Variants in CLUAP1 observed in about 807,000 individuals in gnomAD.
CLUAP1 encodes the protein intraflagellar transport 38.
In CLUAP1, 50 loss-of-function variants were observed where a neutral mutation model predicts 55.0. The observed-to-expected ratio is 0.91, with a 90% confidence interval of 0.72 to 1.15. The LOEUF (loss-of-function observed/expected upper bound fraction) is 1.15, where lower values mean the gene tolerates loss of function less well. Among genes scored for constraint, CLUAP1 ranks in the 50% most tolerant of loss-of-function variants. CLUAP1 has a pLI of 0.00. For synonymous variants in CLUAP1, 195 were observed against 175.4 expected (o/e 1.11, Z -0.88); for missense variants, 530 against 507.6 (o/e 1.04, Z -0.42).
chr16:3,507,932 G>A (rs978812978), intron 3 of CLUAP1, among the ~76,000 whole-genome samples: 1 of 152,194 alleles, frequency 6.6e-6, no homozygotes, highest in East Asian at 1.9e-4. Context: ...ATTTATATAG[G>A]TAGGCTTTTA....
chr16:3,500,514 T>G (rs1596379019), upstream of CLUAP1, among the ~76,000 whole-genome samples: 2 of 151,854 alleles, frequency 1.3e-5, no homozygotes, highest in Non-Finnish European at 2.9e-5. Flanking sequence ...GGATTACAGG[T>G]GTGCGCCACC....
chr16:3,508,154 C>G (rs887147834), intron 3 of CLUAP1, 135 bp from the exon 4 acceptor site: 6 of 698,112 alleles, frequency 8.6e-6, no homozygotes, highest in Non-Finnish European at 7.0e-6. Context: ...ATGTTTGAGT[C>G]ACTTGAATGC....
At chr16:3,508,573 T>G in intron 4 of CLUAP1, 105 bp downstream of exon 4, 1 of 1,046,694 alleles carries the variant, frequency 9.6e-7, no homozygotes, top group Non-Finnish European at 1.3e-6. Context: ...CCTCCTCAGC[T>G]GAGGGCAGTT....
At chr16:3,499,280 G>A (rs1415184911), upstream of CLUAP1, among the ~76,000 whole-genome samples, 3 of 152,254 alleles carry the variant, frequency 2.0e-5, no homozygotes, top group Admixed American at 1.3e-4. Flanking sequence ...TGGAGGCGGA[G>A]GTTTCAGTGA....
intron 1 of CLUAP1, among the ~76,000 whole-genome samples, chr16:3,504,386 A>C (rs530166273): frequency 6.6e-6 from 1 of 152,212 alleles, no homozygotes; most frequent in Non-Finnish European, 1.5e-5. Flanking sequence ...CTTTTTCTTC[A>C]TGACATTTTA....
rs2037932991 is a variant in CLUAP1, at chr16:3,525,942, C to G, written c.856-470C>G. On this transcript the variant is annotated intron_variant, in intron 8 of 11. Transcript: ENST00000576634. ...ATTTCCTCCTGTCCCCACCCCTGTT[C>G]CCATCCTTACCTGTCCCACCATTTA... Among the ~76,000 whole-genome samples, 2 of 152,136 alleles carry G rather than the reference C, an allele frequency of 1.3e-5. 1 individual carries two copies. Among genetic ancestry groups the G allele is most frequent in the Admixed American group, 1.3e-4 (2 of 15,260 alleles).
chr16:3,522,080 A>T (rs2037849301), intron 7 of CLUAP1, among the ~76,000 whole-genome samples: 1 of 152,108 alleles, frequency 6.6e-6, no homozygotes, highest in Admixed American at 6.5e-5. Flanking sequence ...AAAAACCACC[A>T]GCCTTAATTC....
At chr16:3,525,421 C>A (rs569461983) in intron 8 of CLUAP1, among the ~76,000 whole-genome samples, 1 of 152,112 alleles carries the variant, frequency 6.6e-6, no homozygotes, top group Admixed American at 6.6e-5. Flanking sequence ...TACTCACTCT[C>A]GCTCTCTGTC....
In CLUAP1 at chr16:3,530,889, G is replaced by A. The variant is rs1050753474; in HGVS notation, c.1036+214G>A. Reference sequence around the variant, plus strand: ...GCTCCTTGTCTGTGATCCCAAGACTGGATGGTTCATATTTATGGCTTGGTA... The same window carrying A: ...GCTCCTTGTCTGTGATCCCAAGACTAGATGGTTCATATTTATGGCTTGGTA... On this transcript the variant is annotated intron_variant, in intron 10 of 11. Coordinates refer to ENST00000576634, the MANE Select transcript of CLUAP1 (RefSeq NM_015041.3). 4.6e-5 allele frequency among the ~76,000 whole-genome samples: 7 copies of A among 152,276 alleles called. No individual in the cohort carries two copies. The East Asian group carries it at 1.2e-3, about 25-fold the overall frequency.
chr16:3,521,440 T>G lies in CLUAP1; in HGVS notation c.713+1404T>G, dbSNP rs560293416. Among the ~76,000 whole-genome samples, 89 of 140,416 alleles carry G rather than the reference T, an allele frequency of 6.3e-4. 2 individuals are homozygous for G. The South Asian group carries it at 0.019, about 30-fold the overall frequency. 92.1% of individuals were successfully genotyped at this position (140,416 alleles called of 152,430 possible). A position where few individuals can be genotyped will look rare whatever the true frequency, so the allele number is the denominator to read the frequency against. On this transcript the variant is annotated intron_variant, in intron 7 of 11. Transcript: ENST00000576634. The stretch of plus-strand genomic sequence containing the variant: ...ATTTTTATGGTTTTTTTTGTTTTTG[T>G]TTTTTTTTTTTGAGTTGGAGTTTCG...
At position 3,538,768 on chromosome 16, in the gene CLUAP1, T is replaced by G. The variant is rs553120338; in HGVS notation, c.*2497T>G. The G allele has an allele frequency of 6.6e-6, 1 of 152,346 alleles. No homozygotes were observed. The highest frequency in any genetic ancestry group is 2.4e-5 in the African/African-American group (1 of 41,584). The allele number at this position is 152,346 out of a possible 1,614,324, so 9.4% of individuals were successfully genotyped here. On this transcript the variant is annotated 3_prime_UTR_variant, in exon 12 of 12. Transcript: ENST00000576634. ...GTTTCTGTCAACAGCAAGCTTTATG[T>G]GCTCTATCATTTTTATTAAAGTATT... is the stretch of plus-strand genomic sequence containing the variant.
At chr16:3,519,015 G>C (rs1288174218) in intron 6 of CLUAP1, among the ~76,000 whole-genome samples, 2 of 152,228 alleles carry the variant, frequency 1.3e-5, no homozygotes, top group Non-Finnish European at 2.9e-5. Context: ...CTGGGGGGCA[G>C]TTCCACGCTC....
rs528922853 is a variant in CLUAP1 at position 3,512,880 on chromosome 16, C to T, written c.495+402C>T. ...TATTTTTAGTAGAGACAGGGTTTCA[C>T]CGTGTTAGCCAGGATGGTCTCAATC... On this transcript the variant is annotated intron_variant, in intron 5 of 11. Transcript: ENST00000576634. Among the ~76,000 whole-genome samples, 309 of 152,218 alleles carry T rather than the reference C, an allele frequency of 2.0e-3. 4 individuals are homozygous for T. Among genetic ancestry groups the T allele is most frequent in the African/African-American group, 6.7e-3 (278 of 41,528 alleles).
chr16:3,527,021 C>T (rs144616292), intron 9 of CLUAP1, among the ~76,000 whole-genome samples: 2 of 152,258 alleles, frequency 1.3e-5, no homozygotes, highest in East Asian at 3.9e-4. Context: ...GCAAGACACT[C>T]AGCTGGAGAG....
intron 6 of CLUAP1, among the ~76,000 whole-genome samples, chr16:3,516,883 A>G (rs1405668472): frequency 6.6e-6 from 1 of 152,144 alleles, no homozygotes; most frequent in South Asian, 2.1e-4. Context: ...GAAGAGTTCA[A>G]AGGAGGAAAG....
intron 11 of CLUAP1, chr16:3,533,155 G>T: frequency 6.5e-7 from 1 of 1,536,092 alleles, no homozygotes; most frequent in Non-Finnish European, 8.7e-7. Context: ...CCAAGAAGCA[G>T]GTTGGTTTTC....
chr16:3,514,103 C>G (rs1367633108), intron 5 of CLUAP1, among the ~76,000 whole-genome samples: 1 of 152,222 alleles, frequency 6.6e-6, no homozygotes, highest in Non-Finnish European at 1.5e-5. Flanking sequence ...TTCCCCTGTT[C>G]TGTTTGTAGT....
chr16:3,535,840 G>A (rs111519104), intron 11 of CLUAP1: 27 of 398,276 alleles, frequency 6.8e-5, no homozygotes, highest in African/African-American at 2.4e-4. Context: ...GGCCCTCAGC[G>A]CAGATGCAGA....
upstream of CLUAP1, among the ~76,000 whole-genome samples, chr16:3,500,363 T>C (rs34996499): frequency 6.1e-5 from 9 of 146,464 alleles, no homozygotes; most frequent in Non-Finnish European, 1.2e-4. Context: ...CTGAGTATAG[T>C]GCATTTTTTT....
Sources: gnomAD v4.1 joint callset for allele counts (sites outside exome capture counted in the v4.1 genomes callset) on GRCh38, gnomAD v4.1.1 for gene constraint, MANE v1.5 for transcripts, NCBI Gene and HGNC (gene_info 2026-07-23, HGNC 2026-07-21) for gene names.